DST: variants seen among roughly 807,000 people sequenced by gnomAD.
DST encodes bullous pemphigoid antigen.
In DST, 253 loss-of-function variants were observed where a neutral mutation model predicts 875.2. The observed-to-expected ratio is 0.29, with a 90% CI of 0.26 to 0.32. DST has a LOEUF of 0.32. Ranked by LOEUF, DST falls within the 10% of genes least tolerant of loss-of-function variation. DST has a pLI of 1.00. For synonymous variants in DST, 3,124 were observed against 3,197.1 expected (o/e 0.98, Z 0.77); for missense variants, 8,287 against 9,111.6 (o/e 0.91, Z 3.68).
At position 56,494,194 on chromosome 6, in the gene DST, C is replaced by A. The variant is rs767230024; in HGVS notation, c.20224-14G>T. The A allele has an allele frequency of 1.9e-6, 3 of 1,586,178 alleles. No homozygotes were observed. Among genetic ancestry groups the A allele is most frequent in the South Asian group, 2.3e-5 (2 of 85,574 alleles). ...AGCACAGACTTCCTAAATTGAGATA[C>A]CCTCAAGTTATATCACTTTAAGAAA... On this transcript the variant is annotated splice_polypyrimidine_tract_variant and intron_variant, in intron 82 of 103. Coordinates refer to ENST00000680361, the MANE Select transcript of DST (RefSeq NM_001374736.1).
rs768294350 is a variant in DST at position 56,640,206 on chromosome 6, T to A, written c.2427A>T (p.Leu809Phe). ...LLKSSLLDQN[L>F]TEEEINMKFV... ...ATTTCATATTGATTTCTTCTTCTGT[T>A]AAATTTTGATCCAGCAAAGAAGACT... Residue 809 changes from leucine (L) to phenylalanine (F), a missense_variant, in exon 18 of 104, where the codon TTA (leucine) becomes TTT (phenylalanine). This residue lies in a region of DST where 1,160 missense variants were observed against 1,424.3 expected (regional missense o/e 0.81). Coordinates refer to ENST00000680361, the MANE Select transcript of DST (RefSeq NM_001374736.1). 1 of 1,614,198 alleles carries A rather than the reference T, an allele frequency of 6.2e-7. No individual in the cohort carries two copies. Among genetic ancestry groups the A allele is most frequent in the East Asian group, 2.2e-5 (1 of 44,892 alleles).
intron 61 of DST, among the ~76,000 whole-genome samples, chr6:56,549,002 T>C (rs1349595446): frequency 6.6e-6 from 1 of 152,210 alleles, no homozygotes; most frequent in Non-Finnish European, 1.5e-5. Flanking sequence ...ATCTTAAACA[T>C]GAACGAATGA....
intron 98 of DST, among the ~76,000 whole-genome samples, chr6:56,468,558 C>G (rs1046195796): frequency 1.3e-5 from 2 of 152,162 alleles, no homozygotes; most frequent in Non-Finnish European, 1.5e-5. Flanking sequence ...TCCTGTGTCA[C>G]TGCCTGAGGC....
intron 55 of DST, among the ~76,000 whole-genome samples, chr6:56,563,776 C>A (rs534509179): frequency 5.9e-5 from 9 of 152,160 alleles, no homozygotes; most frequent in African/African-American, 1.9e-4. Context: ...AGGAAGGGGT[C>A]CAGTTTCAGT....
rs941834661 is a variant in DST, at chr6:56,466,390, C to T, written c.22570-195G>A. ...GCATGCTGATTTAGCCCAAAGGAAA[C>T]AGTTTGAAAAAAAAAAGATTACAAA... is the stretch of plus-strand genomic sequence containing the variant. On this transcript the variant is annotated intron_variant, in intron 98 of 103. Coordinates refer to ENST00000680361, the MANE Select transcript of DST (RefSeq NM_001374736.1). The T allele has an allele frequency of 5.0e-5, 19 of 379,592 alleles. No homozygotes were observed. The Admixed American group carries it at 8.0e-4, about 16-fold the overall frequency. The allele number at this position is 379,592 out of a possible 1,614,324, so 23.5% of individuals were successfully genotyped here.
intron 13 of DST, among the ~76,000 whole-genome samples, chr6:56,647,385 C>T (rs1383354480): frequency 3.3e-5 from 5 of 152,144 alleles, no homozygotes; most frequent in African/African-American, 1.2e-4. Context: ...CAAGTAATTT[C>T]GTGCCAAGGA....
At chr6:56,522,691 C>T (rs1190780431) in intron 69 of DST, among the ~76,000 whole-genome samples, 2 of 152,100 alleles carry the variant, frequency 1.3e-5, no homozygotes, top group Non-Finnish European at 2.9e-5. Flanking sequence ...ACCCAAACCA[C>T]CAATCCAAGG....
intron 4 of DST, among the ~76,000 whole-genome samples, chr6:56,807,157 C>T (rs529399838): frequency 1.3e-5 from 2 of 152,082 alleles, no homozygotes; most frequent in African/African-American, 2.4e-5. Context: ...CTCAAGCAGT[C>T]CCCCCATGTC....
intron 65 of DST, 45 bp from the exon 66 acceptor site, chr6:56,529,819 G>A (rs1231307437): frequency 1.4e-6 from 2 of 1,457,378 alleles, no homozygotes; most frequent in Non-Finnish European, 1.8e-6. Flanking sequence ...AAAAAGAATG[G>A]ACAAATAAAA....
At chr6:56,943,591 A>C (rs1214936270) in intron 2 of DST, among the ~76,000 whole-genome samples, 1 of 111,982 alleles carries the variant, frequency 8.9e-6, no homozygotes, top group Non-Finnish European at 1.9e-5. Context: ...CCGCCACCAC[A>C]CCTGGCTGAT....
chr6:56,767,250 TA>T (rs1291270114), intron 4 of DST, among the ~76,000 whole-genome samples: 2 of 152,034 alleles, frequency 1.3e-5, no homozygotes. Flanking sequence ...GATACACTGG[TA>T]AACAAAACAA....
At chr6:56,519,873 T>G (rs148866229) in intron 69 of DST, among the ~76,000 whole-genome samples, 2,552 of 152,272 alleles carry the variant, frequency 0.017, 66 homozygotes, top group African/African-American at 0.057. Context: ...TTAAAGAAGA[T>G]AATCAAATAG....
At chr6:56,683,730 T>A (rs1427972993) in intron 9 of DST, among the ~76,000 whole-genome samples, 1 of 152,218 alleles carries the variant, frequency 6.6e-6, no homozygotes, top group Non-Finnish European at 1.5e-5. Context: ...GTTTTAACCC[T>A]GCCATGTAAA....
Position 56,838,160 on chromosome 6 carries a change from G to A in DST, c.625+13237C>T, listed in dbSNP as rs76382765. 3.3e-3 allele frequency among the ~76,000 whole-genome samples: 505 copies of A among 152,186 alleles called. 4 individuals are homozygous for A. Among genetic ancestry groups the A allele is most frequent in the African/African-American group, 0.012 (490 of 41,520 alleles). Reference sequence around the variant, plus strand: ...AGTTAATATGAAATAACAAACATTCGAAACTACAAATCATCTTTTCTTCCC... The same window carrying A: ...AGTTAATATGAAATAACAAACATTCAAAACTACAAATCATCTTTTCTTCCC... On this transcript the variant is annotated intron_variant, in intron 4 of 103. Transcript: ENST00000680361.
rs763691889 is a variant in DST, at chr6:56,515,349, T to C, written c.18576+101A>G. On this transcript the variant is annotated intron_variant, in intron 72 of 103. Transcript: ENST00000680361. ...CAGACCAGAACACGGTATTCTAAAA[T>C]GCCTTAATCATGTAAGTGTTTAACT... 9.8e-5 allele frequency: 127 copies of C among 1,299,598 alleles called. 1 individual carries two copies. In the Middle Eastern group the frequency reaches 3.4e-3, roughly 35 times the overall value. 80.5% of individuals were successfully genotyped at this position (1,299,598 alleles called of 1,614,324 possible).
chr6:56,475,394 A>AACACACACACACACACAC (rs35690052), intron 92 of DST, among the ~76,000 whole-genome samples: 18 of 144,882 alleles, frequency 1.2e-4, no homozygotes, highest in African/African-American at 3.9e-4. Context: ...AGGCTTTTAA[A>AACACACACACACACACAC]ACACACACAC....
Position 56,858,156 on chromosome 6 carries a change from C to G in DST, c.418-6552G>C, listed in dbSNP as rs112564935. Among the ~76,000 whole-genome samples the G allele has an allele frequency of 1.1e-3, 160 of 151,670 alleles. 4 individuals are homozygous for G. Among genetic ancestry groups the G allele is most frequent in the African/African-American group, 3.7e-3 (153 of 41,462 alleles). On this transcript the variant is annotated intron_variant, in intron 3 of 103. Coordinates refer to ENST00000680361, the MANE Select transcript of DST (RefSeq NM_001374736.1). Reference sequence around the variant, plus strand: ...TCTGTTAGGGGAGATATGCAGGAACCCTTAACTCCAAGAGGCAGAAGAGCC... The same window carrying G: ...TCTGTTAGGGGAGATATGCAGGAACGCTTAACTCCAAGAGGCAGAAGAGCC...
intron 7 of DST, 55 bp downstream of exon 7, chr6:56,703,593 A>G: frequency 1.5e-6 from 1 of 675,286 alleles, no homozygotes; most frequent in Non-Finnish European, 1.8e-6. Context: ...CTATCAGGTT[A>G]GCGCTCACCG....
chr6:56,897,740 C>T (rs1034842234), intron 3 of DST, among the ~76,000 whole-genome samples: 1 of 152,126 alleles, frequency 6.6e-6, no homozygotes, highest in African/African-American at 2.4e-5. Context: ...ATCTGCATCA[C>T]CCAAGTTCCT....
Sources: gnomAD v4.1 joint callset for allele counts (sites outside exome capture counted in the v4.1 genomes callset) on GRCh38, gnomAD v4.1.1 for gene constraint, gnomAD v4.1.1 regional missense constraint, MANE v1.5 for transcripts, NCBI Gene and HGNC (gene_info 2026-07-23, HGNC 2026-07-21) for gene names.